RGS7: variants seen among roughly 807,000 people sequenced by gnomAD.
The protein encoded by RGS7 is regulator of G-protein signaling 7.
RGS7 carries 27 observed loss-of-function variants against 81.1 expected under a neutral mutation model. That is an observed-to-expected ratio of 0.33 (90% CI 0.25 to 0.46). The LOEUF (loss-of-function observed/expected upper bound fraction) is 0.46, where lower values mean the gene tolerates loss of function less well. RGS7 is among the 20% of genes least tolerant of loss of function. The pLI is 1.00. For synonymous variants in RGS7, 208 were observed against 207.7 expected (o/e 1.00, Z -0.01); for missense variants, 396 against 607.4 (o/e 0.65, Z 3.66).
intron 2 of RGS7, among the ~76,000 whole-genome samples, chr1:241,339,450 A>T (rs2082416407): frequency 6.6e-6 from 1 of 152,214 alleles, no homozygotes; most frequent in African/African-American, 2.4e-5. Flanking sequence ...ATTCCTAGAG[A>T]GCAAATAGAT....
rs184378461 is a variant in RGS7, at chr1:241,229,937, T to A, written c.78+125762A>T. ...CTGTGTTAAAATATATTGTTGAGGATCTGTAACAGGAAACAGATAACCTCG... is the reference window on the plus strand; with the variant it reads ...CTGTGTTAAAATATATTGTTGAGGAACTGTAACAGGAAACAGATAACCTCG... On this transcript the variant is annotated intron_variant, in intron 2 of 18. Transcript: ENST00000440928. Among the ~76,000 whole-genome samples, 685 of 152,318 alleles carry A rather than the reference T, an allele frequency of 4.5e-3. 3 individuals are homozygous for A. The highest frequency in any genetic ancestry group is 0.017 in the Middle Eastern group (5 of 294).
At chr1:240,989,682 A>G (rs897414804) in intron 3 of RGS7, among the ~76,000 whole-genome samples, 1 of 152,162 alleles carries the variant, frequency 6.6e-6, no homozygotes, top group Admixed American at 6.5e-5. Flanking sequence ...TTTGGGCTAG[A>G]GGCATCGACA....
chr1:240,966,321 C>T (rs1191862653), intron 4 of RGS7, among the ~76,000 whole-genome samples: 3 of 151,968 alleles, frequency 2.0e-5, no homozygotes, highest in South Asian at 2.1e-4. Context: ...AAAGTATAAC[C>T]GAAAGCAGTT....
chr1:240,800,283 A>G (rs1687816470), intron 18 of RGS7, among the ~76,000 whole-genome samples: 2 of 152,124 alleles, frequency 1.3e-5, no homozygotes, highest in Non-Finnish European at 2.9e-5. Context: ...TTTATTTACA[A>G]TGTGATTAAT....
At chr1:241,304,437 G>C (rs2079960834) in intron 2 of RGS7, among the ~76,000 whole-genome samples, 1 of 152,224 alleles carries the variant, frequency 6.6e-6, no homozygotes, top group Admixed American at 6.5e-5. Context: ...GCCAACAGCA[G>C]TTGTGAGTGT....
intron 2 of RGS7, among the ~76,000 whole-genome samples, chr1:241,259,377 A>G (rs1385788044): frequency 1.3e-5 from 2 of 152,066 alleles, no homozygotes; most frequent in East Asian, 3.9e-4. Context: ...ATTACTGGCC[A>G]GGCGCAGTGG....
At chr1:241,346,302 G>T (rs2082892620) in intron 2 of RGS7, among the ~76,000 whole-genome samples, 1 of 14,330 alleles carries the variant, frequency 7.0e-5, no homozygotes, top group Admixed American at 1.7e-3. Context: ...GTTTGCCATG[G>T]TAAATAAGCT....
intron 5 of RGS7, among the ~76,000 whole-genome samples, chr1:240,931,689 AT>A (rs200743317): frequency 1.6e-4 from 24 of 152,182 alleles, no homozygotes; most frequent in African/African-American, 5.3e-4. Context: ...CAAATCAGAG[AT>A]TTTTTTTAAA....
intron 2 of RGS7, among the ~76,000 whole-genome samples, chr1:241,116,093 T>C (rs1312251451): frequency 6.6e-6 from 1 of 152,156 alleles, no homozygotes; most frequent in East Asian, 1.9e-4. Context: ...GTTAAGCCTG[T>C]GGAACTGTGA....
intron 3 of RGS7, among the ~76,000 whole-genome samples, chr1:241,048,758 C>A (rs998251065): frequency 2.6e-5 from 4 of 152,170 alleles, no homozygotes; most frequent in Non-Finnish European, 5.9e-5. Context: ...ATCATATGAG[C>A]TTTCTAGGGT....
At chr1:240,951,530 C>T (rs1679557437) in intron 4 of RGS7, among the ~76,000 whole-genome samples, 1 of 152,032 alleles carries the variant, frequency 6.6e-6, no homozygotes, top group African/African-American at 2.4e-5. Flanking sequence ...TAGCAGGCTA[C>T]ACAACTCTAA....
At chr1:240,874,381 T>G (rs1167363371) in intron 6 of RGS7, among the ~76,000 whole-genome samples, 4 of 152,064 alleles carry the variant, frequency 2.6e-5, no homozygotes, top group African/African-American at 9.7e-5. Context: ...AACCATGAAC[T>G]GAGGCCTCTG....
chr1:240,929,026 C>T (rs962398179), intron 6 of RGS7, among the ~76,000 whole-genome samples: 2 of 152,284 alleles, frequency 1.3e-5, no homozygotes, highest in East Asian at 3.9e-4. Context: ...ATACTAGTTT[C>T]CTTAGCTGTA....
intron 2 of RGS7, among the ~76,000 whole-genome samples, chr1:241,126,912 G>T (rs968508068): frequency 1.3e-4 from 19 of 150,538 alleles, no homozygotes; most frequent in Non-Finnish European, 2.4e-4. Context: ...CCATACTATT[G>T]TTCACTTCTT....
At chr1:241,145,604 A>G (rs1446206066) in intron 2 of RGS7, among the ~76,000 whole-genome samples, 1 of 152,146 alleles carries the variant, frequency 6.6e-6, no homozygotes, top group Non-Finnish European at 1.5e-5. Flanking sequence ...AGTTTGGCCA[A>G]GGTTGTGGCA....
At chr1:240,802,814 C>T in intron 16 of RGS7, 90 bp downstream of exon 16, 1 of 868,230 alleles carries the variant, frequency 1.2e-6, no homozygotes, top group Non-Finnish European at 2.0e-6. Context: ...TACCATTAGT[C>T]CAATACCCTG....
chr1:240,828,514 T>A lies in RGS7; in HGVS notation c.610-1342A>T, dbSNP rs142751777. Among the ~76,000 whole-genome samples the A allele has an allele frequency of 3.7e-3, 566 of 152,226 alleles. 2 individuals carry two copies. Among genetic ancestry groups the A allele is most frequent in the Non-Finnish European group, 6.4e-3 (433 of 68,008 alleles). ...GTATTAGTAAAAAACATCGGCCAGG[T>A]GCGGTGGCTCACGCCTGTAACCCCA... On this transcript the variant is annotated intron_variant, in intron 9 of 18. Coordinates refer to ENST00000440928, the MANE Select transcript of RGS7 (RefSeq NM_001364886.1).
intron 3 of RGS7, among the ~76,000 whole-genome samples, chr1:241,025,324 A>C (rs913564692): frequency 1.3e-5 from 2 of 152,226 alleles, no homozygotes; most frequent in South Asian, 4.1e-4. Flanking sequence ...AATGCTTATT[A>C]AGTTCTTATC....
intron 2 of RGS7, among the ~76,000 whole-genome samples, chr1:241,343,037 A>C (rs6668800): frequency 0.78 from 118,221 of 151,968 alleles, 47,173 homozygotes; most frequent in South Asian, 0.88. Context: ...CAGAGGCAGG[A>C]GGATGACGAG....
Sources: gnomAD v4.1 joint callset for allele counts (sites outside exome capture counted in the v4.1 genomes callset) on GRCh38, gnomAD v4.1.1 for gene constraint, MANE v1.5 for transcripts, NCBI Gene and HGNC (gene_info 2026-07-23, HGNC 2026-07-21) for gene names.